The following SEMA3A variants were observed in gnomAD, a reference collection of about 807,000 sequenced individuals.
SEMA3A encodes the protein semaphorin 3A, also known as semaphorin-3A.
SEMA3A carries 29 observed loss-of-function variants against 97.9 expected under a neutral mutation model. The ratio of observed to expected loss-of-function variants is 0.30; its 90% CI spans 0.22 to 0.40. The LOEUF (loss-of-function observed/expected upper bound fraction) is 0.40. SEMA3A is among the 10% of genes least tolerant of loss of function. SEMA3A has a pLI of 1.00. For missense variants in SEMA3A, 763 were observed against 951.3 expected, an observed-to-expected ratio of 0.80 and a Z score of 2.60; for synonymous variants, 321 against 323.7, an observed-to-expected ratio of 0.99 and a Z score of 0.09.
intron 3 of SEMA3A, among the ~76,000 whole-genome samples, chr7:84,215,159 C>T (rs1240476152): frequency 6.6e-6 from 1 of 151,746 alleles, no homozygotes; most frequent in African/African-American, 2.4e-5. Flanking sequence ...GTGTGAGCCA[C>T]CGCGCCTGGC....
chr7:84,235,253 A>G (rs745530559), intron 3 of SEMA3A, among the ~76,000 whole-genome samples: 40 of 152,050 alleles, frequency 2.6e-4, no homozygotes, highest in Admixed American at 5.3e-4. Context: ...TTATATTAAT[A>G]ATGACAAGAT....
At chr7:84,352,083 G>A (rs1215647252) in intron 2 of SEMA3A, among the ~76,000 whole-genome samples, 1 of 150,330 alleles carries the variant, frequency 6.7e-6, no homozygotes, top group African/African-American at 2.4e-5. Context: ...GCAACAACAT[G>A]GATGGAACTG....
chr7:83,980,623 A>AAAAAAAAACAAAAAAAT, intron 14 of SEMA3A, among the ~76,000 whole-genome samples: 1 of 71,758 alleles, frequency 1.4e-5, no homozygotes, highest in South Asian at 3.9e-4. Flanking sequence ...AAAAAAAAAA[A>AAAAAAAAACAAAAAAAT]ATATATATAT....
chr7:84,369,330 A>G (rs1802922013), intron 2 of SEMA3A, among the ~76,000 whole-genome samples: 1 of 150,986 alleles, frequency 6.6e-6, no homozygotes, highest in South Asian at 2.1e-4. Flanking sequence ...AGTCATTCCA[A>G]AGTTAATAAT....
At chr7:84,166,864 A>G (rs12154929) in intron 1 of SEMA3A, among the ~76,000 whole-genome samples, 63,347 of 137,610 alleles carry the variant, frequency 0.46, 14,744 homozygotes, top group Admixed American at 0.54. Flanking sequence ...GACAGAGTGA[A>G]ACTCTGTCCT....
At chr7:84,132,495 ATAAAT>A (rs929384188) in intron 2 of SEMA3A, among the ~76,000 whole-genome samples, 2 of 151,994 alleles carry the variant, frequency 1.3e-5, no homozygotes, top group Non-Finnish European at 2.9e-5. Flanking sequence ...AAAATGTTAA[ATAAAT>A]TAAATATATA....
chr7:84,028,899 G>A (rs1378666553), intron 6 of SEMA3A, among the ~76,000 whole-genome samples: 2 of 152,184 alleles, frequency 1.3e-5, no homozygotes, highest in African/African-American at 2.4e-5. Flanking sequence ...GATTACAGGC[G>A]TGAGCCACAG....
chr7:84,112,974 AATG>A (rs1461164590), intron 3 of SEMA3A, among the ~76,000 whole-genome samples: 1 of 152,204 alleles, frequency 6.6e-6, no homozygotes, highest in Non-Finnish European at 1.5e-5. Context: ...TAAGGCCTGG[AATG>A]ATTCCCTTCA....
intron 15 of SEMA3A, among the ~76,000 whole-genome samples, chr7:83,965,026 T>C (rs1788614716): frequency 6.6e-6 from 1 of 152,180 alleles, no homozygotes; most frequent in African/African-American, 2.4e-5. Context: ...TTAGAATGCA[T>C]TGTCACAGAA....
chr7:84,315,758 T>C (rs1801478892), intron 2 of SEMA3A, among the ~76,000 whole-genome samples: 1 of 152,078 alleles, frequency 6.6e-6, no homozygotes, highest in South Asian at 2.1e-4. Flanking sequence ...TCAATTACAT[T>C]CAAATAGATT....
At chr7:84,144,346 T>C (rs1796404342) in intron 1 of SEMA3A, among the ~76,000 whole-genome samples, 1 of 151,676 alleles carries the variant, frequency 6.6e-6, no homozygotes, top group Non-Finnish European at 1.5e-5. Flanking sequence ...AGAAGAGGAG[T>C]TGGCACAAGA....
At chr7:84,386,552 T>G (rs1379708004) in intron 1 of SEMA3A, among the ~76,000 whole-genome samples, 1 of 152,168 alleles carries the variant, frequency 6.6e-6, no homozygotes, top group African/African-American at 2.4e-5. Context: ...AAAAATGGAA[T>G]ATTCAGTTTT....
chr7:84,119,745 T>C (rs1280756262), intron 3 of SEMA3A, among the ~76,000 whole-genome samples: 3 of 152,252 alleles, frequency 2.0e-5, no homozygotes, highest in Middle Eastern at 3.4e-3. Context: ...TAAACACAAG[T>C]ATTACAAACT....
At chr7:84,456,187 C>G (rs922561505) in intron 1 of SEMA3A, among the ~76,000 whole-genome samples, 25 of 151,728 alleles carry the variant, frequency 1.6e-4, no homozygotes, top group Non-Finnish European at 4.4e-5. Flanking sequence ...AGAAAATATC[C>G]TCCTTTTTTA....
intron 5 of SEMA3A, among the ~76,000 whole-genome samples, chr7:84,055,460 C>T (rs940606902): frequency 2.0e-5 from 3 of 152,050 alleles, no homozygotes; most frequent in Non-Finnish European, 2.9e-5. Context: ...GGGAGTGACC[C>T]GATTTTCCAG....
chr7:84,244,636 C>T (rs758523981), intron 3 of SEMA3A, among the ~76,000 whole-genome samples: 6 of 152,082 alleles, frequency 3.9e-5, no homozygotes, highest in Non-Finnish European at 8.8e-5. Flanking sequence ...CATCATTATG[C>T]TAGGTGGTTA....
intron 1 of SEMA3A, among the ~76,000 whole-genome samples, chr7:84,460,909 T>C (rs910533564): frequency 2.6e-5 from 4 of 152,226 alleles, no homozygotes; most frequent in Non-Finnish European, 2.9e-5. Context: ...TTGAGTCACA[T>C]AGCTTCATTA....
chr7:84,019,967 T>G (rs1000419281), intron 6 of SEMA3A, among the ~76,000 whole-genome samples: 16 of 151,526 alleles, frequency 1.1e-4, no homozygotes, highest in Non-Finnish European at 2.2e-4. Context: ...TTTCTTTTAC[T>G]TCTATAAATG....
At chr7:84,126,791 G>A (rs761609522) in intron 3 of SEMA3A, among the ~76,000 whole-genome samples, 1 of 152,070 alleles carries the variant, frequency 6.6e-6, no homozygotes, top group Non-Finnish European at 1.5e-5. Context: ...TATTAGAGTT[G>A]TTTCTCACAG....
Sources: gnomAD v4.1 joint callset for allele counts (sites outside exome capture counted in the v4.1 genomes callset) on GRCh38, gnomAD v4.1.1 for gene constraint, MANE v1.5 for transcripts, NCBI Gene and HGNC (gene_info 2026-07-23, HGNC 2026-07-21) for gene names.